The following KAZN variants were observed in gnomAD, a reference collection of about 807,000 sequenced individuals.
KAZN encodes the protein kazrin.
KAZN carries 40 observed loss-of-function variants against 87.4 expected under a neutral mutation model. The observed-to-expected ratio is 0.46, with a 90% CI of 0.36 to 0.60. The LOEUF is 0.60. Ranked by LOEUF, KAZN falls within the 20% of genes least tolerant of loss-of-function variation. KAZN has a pLI of 0.00. For missense variants in KAZN, 898 were observed against 1,073.9 expected, an observed-to-expected ratio of 0.84 and a Z score of 2.29; for synonymous variants, 466 against 458.3, an observed-to-expected ratio of 1.02 and a Z score of -0.22.
At chr1:14,968,853 C>T (rs764830362) in intron 2 of KAZN, among the ~76,000 whole-genome samples, 15 of 152,236 alleles carry the variant, frequency 9.9e-5, no homozygotes, top group Admixed American at 2.0e-4. Flanking sequence ...GTGCCGATGC[C>T]TGTGGTTCAG....
intron 1 of KAZN, among the ~76,000 whole-genome samples, chr1:14,864,339 C>T (rs1572679264): frequency 3.3e-5 from 5 of 152,246 alleles, no homozygotes; most frequent in South Asian, 2.1e-4. Flanking sequence ...CCAAGGCGGG[C>T]GGATCACATG....
Position 14,392,626 on chromosome 1 carries a change from G to C in KAZN, c.250-206357G>C, listed in dbSNP as rs541455427. The stretch of plus-strand genomic sequence containing the variant: ...ATTCTTTGTTGTGGGAGTGTCCTGT[G>C]CATTGTCGGAGGTTTCACAGCATCC... On this transcript the variant is annotated intron_variant, in intron 2 of 16. Coordinates refer to the KAZN transcript ENST00000636203. 2.6e-5 allele frequency among the ~76,000 whole-genome samples: 4 copies of C among 152,186 alleles called. No homozygotes were observed. The East Asian group carries it at 7.7e-4, about 29-fold the overall frequency.
intron 2 of KAZN, among the ~76,000 whole-genome samples, chr1:14,521,620 G>A (rs539475235): frequency 6.6e-6 from 1 of 152,292 alleles, no homozygotes; most frequent in South Asian, 2.1e-4. Flanking sequence ...GAAGAAACCA[G>A]CAAAGCAACT....
chr1:14,765,825 G>A (rs141602966), intron 1 of KAZN, among the ~76,000 whole-genome samples: 1 of 152,324 alleles, frequency 6.6e-6, no homozygotes, highest in East Asian at 1.9e-4. Context: ...AGTGGCTGCC[G>A]AAAGGAGGCA....
chr1:14,649,925 A>T (rs536318317), intron 1 of KAZN, among the ~76,000 whole-genome samples: 105 of 152,104 alleles, frequency 6.9e-4, no homozygotes, highest in Admixed American at 1.8e-3. Context: ...GGGAGACACC[A>T]TTTATAGAAA....
At chr1:15,061,583 A>C (rs932082379) in intron 6 of KAZN, 43 of 152,286 alleles carry the variant, frequency 2.8e-4, no homozygotes, top group African/African-American at 9.1e-4. Context: ...GCAGTGACGC[A>C]GTCTCAGCTC....
intron 2 of KAZN, among the ~76,000 whole-genome samples, chr1:14,399,391 ACATGT>A (rs1453784694): frequency 6.6e-6 from 1 of 152,146 alleles, no homozygotes; most frequent in Non-Finnish European, 1.5e-5. Flanking sequence ...CTTACCAACT[ACATGT>A]CTTAGGTAGT....
At chr1:15,058,947 G>A (rs901264725) in intron 5 of KAZN, among the ~76,000 whole-genome samples, 1 of 151,950 alleles carries the variant, frequency 6.6e-6, no homozygotes, top group African/African-American at 2.4e-5. Context: ...ACTTGAACCC[G>A]GGAAGCAGAG....
intron 1 of KAZN, among the ~76,000 whole-genome samples, chr1:14,925,881 G>A (rs1659115679): frequency 1.3e-5 from 2 of 152,152 alleles, no homozygotes; most frequent in African/African-American, 4.8e-5. Context: ...GTCCAAGACG[G>A]GTTGAGGTAA....
At chr1:14,814,048 A>G (rs1204269051) in intron 1 of KAZN, among the ~76,000 whole-genome samples, 1 of 152,174 alleles carries the variant, frequency 6.6e-6, no homozygotes, top group East Asian at 1.9e-4. Context: ...TGCCTCTGTC[A>G]ATGGGTGATG....
chr1:14,900,750 T>C (rs1188874878), intron 1 of KAZN, among the ~76,000 whole-genome samples: 12 of 51,780 alleles, frequency 2.3e-4, no homozygotes, highest in African/African-American at 4.2e-4. Context: ...CAAGACTCCA[T>C]CTCAAAAAAA....
At chr1:14,383,181 ATTTG>A (rs1661530802) in intron 2 of KAZN, among the ~76,000 whole-genome samples, 1 of 151,820 alleles carries the variant, frequency 6.6e-6, no homozygotes, top group Non-Finnish European at 1.5e-5. Context: ...TTTCCTGTAA[ATTTG>A]TTTGAGTTCA....
intron 2 of KAZN, among the ~76,000 whole-genome samples, chr1:15,034,435 C>A (rs1435117458): frequency 1.3e-5 from 2 of 152,214 alleles, no homozygotes; most frequent in African/African-American, 4.8e-5. Context: ...CTGGAGCCCA[C>A]CAGGCCTCAG....
In KAZN at chr1:14,119,088, T is replaced by A. The variant is rs144135604; in HGVS notation, c.92-61347T>A. ...CCTTTGCTAGAGCCAGGATTCTGAA[T>A]CTTTTTCAGAGACAACACTAGGTAA... On this transcript the variant is annotated intron_variant, in intron 1 of 16. Transcript: ENST00000636203. Among the ~76,000 whole-genome samples the A allele has an allele frequency of 6.8e-3, 1,040 of 152,278 alleles. 9 individuals are homozygous for A. Among genetic ancestry groups the A allele is most frequent in the Non-Finnish European group, 0.011 (751 of 68,024 alleles).
intron 1 of KAZN, among the ~76,000 whole-genome samples, chr1:14,805,478 G>T (rs904656268): frequency 2.0e-5 from 3 of 152,174 alleles, no homozygotes; most frequent in Non-Finnish European, 4.4e-5. Flanking sequence ...GGGTTACTAG[G>T]CCGGGTGCGG....
chr1:14,755,823 CG>C (rs1644548771), intron 1 of KAZN, among the ~76,000 whole-genome samples: 1 of 152,066 alleles, frequency 6.6e-6, no homozygotes. Context: ...GTGAACATTC[CG>C]GGGAATTCAC....
At chr1:14,425,251 C>A (rs1665658324) in intron 2 of KAZN, among the ~76,000 whole-genome samples, 1 of 152,172 alleles carries the variant, frequency 6.6e-6, no homozygotes, top group Admixed American at 6.5e-5. Context: ...ACAGAGCCTG[C>A]CCCTACATCT....
intron 2 of KAZN, among the ~76,000 whole-genome samples, chr1:14,321,375 T>C (rs1187890623): frequency 6.6e-6 from 1 of 152,190 alleles, no homozygotes. Context: ...TCGCCCAGTC[T>C]CCTCTATATC....
chr1:14,196,945 GA>G (rs1413093579), intron 2 of KAZN, among the ~76,000 whole-genome samples: 6 of 152,226 alleles, frequency 3.9e-5, no homozygotes, highest in Admixed American at 2.6e-4. Flanking sequence ...AGCATATTAA[GA>G]AGCTGAAAAT....
Sources: gnomAD v4.1 joint callset for allele counts (sites outside exome capture counted in the v4.1 genomes callset) on GRCh38, gnomAD v4.1.1 for gene constraint, MANE v1.5 for transcripts, NCBI Gene and HGNC (gene_info 2026-07-23, HGNC 2026-07-21) for gene names.